The following OTOGL variants were observed in gnomAD, a reference collection of about 807,000 sequenced individuals.
OTOGL encodes otogelin-like protein.
OTOGL carries 285 observed loss-of-function variants against 318.5 expected under a neutral mutation model. The observed-to-expected ratio is 0.89, with a 90% CI of 0.81 to 0.99. The LOEUF is 0.99. Among genes scored for constraint, OTOGL ranks in the 50% least tolerant of loss-of-function variants. The probability of loss-of-function intolerance (pLI) is 0.00; values close to 1 mark genes in which losing one functional copy is unlikely to be tolerated. For synonymous variants in OTOGL, 987 were observed against 936.5 expected, an observed-to-expected ratio of 1.05 and a Z score of -0.99; for missense variants, 2,899 against 2,845.6, an observed-to-expected ratio of 1.02 and a Z score of -0.43.
At chr12:80,304,299 A>G (rs1885964633) in intron 28 of OTOGL, among the ~76,000 whole-genome samples, 1 of 152,100 alleles carries the variant, frequency 6.6e-6, no homozygotes, top group African/African-American at 2.4e-5. Flanking sequence ...AAATATTTTT[A>G]TTAAATATTG....
intron 44 of OTOGL, among the ~76,000 whole-genome samples, chr12:80,350,123 T>G (rs1218946482): frequency 6.6e-6 from 1 of 152,228 alleles, no homozygotes; most frequent in Admixed American, 6.5e-5. Flanking sequence ...ATCAACTTTT[T>G]TAGTTTTCAC....
At chr12:80,356,769 T>A (rs778444170) in intron 48 of OTOGL, 38 bp from the exon 49 acceptor site, 3 of 1,292,282 alleles carry the variant, frequency 2.3e-6, no homozygotes, top group Non-Finnish European at 2.2e-6. Context: ...TTTTTTATTA[T>A]GCTATACAAA....
At chr12:80,158,193 T>C (rs1873254928) in intron 1 of OTOGL, among the ~76,000 whole-genome samples, 1 of 152,156 alleles carries the variant, frequency 6.6e-6, no homozygotes. Flanking sequence ...GGCAAACTTG[T>C]TTGATTGCAA....
chr12:80,298,228 A>G (rs1885538814), intron 27 of OTOGL, among the ~76,000 whole-genome samples: 1 of 152,174 alleles, frequency 6.6e-6, no homozygotes, highest in Admixed American at 6.5e-5. Context: ...ATGGTGTCCT[A>G]TGGTAGGAAT....
intron 27 of OTOGL, 149 bp from the exon 28 acceptor site, chr12:80,302,485 G>T: frequency 2.0e-6 from 1 of 494,970 alleles, no homozygotes; most frequent in Non-Finnish European, 3.2e-6. Context: ...CAATTGTTTT[G>T]TCTTTTCTTA....
At chr12:80,248,998 C>T (rs1235678982) in intron 11 of OTOGL, among the ~76,000 whole-genome samples, 2 of 145,964 alleles carry the variant, frequency 1.4e-5, no homozygotes, top group Non-Finnish European at 3.0e-5. Flanking sequence ...GTTCTCGAGC[C>T]TTGGTTTTCA....
intron 24 of OTOGL, among the ~76,000 whole-genome samples, chr12:80,272,081 CAATT>C (rs1883453126): frequency 1.3e-5 from 2 of 152,238 alleles, no homozygotes; most frequent in South Asian, 4.1e-4. Flanking sequence ...GAAAGTGACA[CAATT>C]AATCACTCTT....
intron 1 of OTOGL, among the ~76,000 whole-genome samples, chr12:80,185,037 A>G (rs980484531): frequency 3.3e-5 from 5 of 152,174 alleles, no homozygotes; most frequent in African/African-American, 1.2e-4. Context: ...CAACCTACTA[A>G]TTTATCCTCT....
At chr12:80,137,097 CCAA>C (rs1192342553) in intron 1 of OTOGL, among the ~76,000 whole-genome samples, 1 of 152,116 alleles carries the variant, frequency 6.6e-6, no homozygotes, top group Non-Finnish European at 1.5e-5. Context: ...ATTTTCCTCT[CCAA>C]CAACAAGACA....
At chr12:80,350,104 T>C (rs1350680632) in intron 44 of OTOGL, among the ~76,000 whole-genome samples, 1 of 152,220 alleles carries the variant, frequency 6.6e-6, no homozygotes, top group Non-Finnish European at 1.5e-5. Context: ...CCTTGCTCAA[T>C]TCTATAAGAT....
chr12:80,270,199 A>T, intron 23 of OTOGL, 45 bp downstream of exon 23: 3 of 1,472,930 alleles, frequency 2.0e-6, no homozygotes, highest in Non-Finnish European at 2.8e-6. Context: ...TTCAGCTCTG[A>T]TACCACCTCC....
intron 52 of OTOGL, among the ~76,000 whole-genome samples, chr12:80,363,661 A>G (rs1248995473): frequency 6.6e-5 from 10 of 152,322 alleles, no homozygotes; most frequent in Admixed American, 2.0e-4. Context: ...CCAGTGGAGC[A>G]GCTGAGAGTA....
chr12:80,316,830 T>A (rs1175779271), intron 32 of OTOGL, among the ~76,000 whole-genome samples: 1 of 152,190 alleles, frequency 6.6e-6, no homozygotes, highest in Admixed American at 6.5e-5. Flanking sequence ...CCCAAATAAA[T>A]TTCACAGCTA....
At chr12:80,167,742 A>G (rs2137208129) in intron 1 of OTOGL, among the ~76,000 whole-genome samples, 1 of 152,240 alleles carries the variant, frequency 6.6e-6, no homozygotes, top group South Asian at 2.1e-4. Context: ...TCTGATAAAC[A>G]CTGTTTTTCT....
chr12:80,329,469 A>C (rs868021955), intron 37 of OTOGL, among the ~76,000 whole-genome samples: 1 of 152,204 alleles, frequency 6.6e-6, no homozygotes, highest in African/African-American at 2.4e-5. Flanking sequence ...CCTCACATCT[A>C]AAAACCTAAA....
Position 80,310,583 on chromosome 12 carries a change from T to C in OTOGL, c.3334-28T>C, listed in dbSNP as rs374780457. The C allele has an allele frequency of 4.9e-5, 73 of 1,493,586 alleles. No homozygotes were observed. In the Middle Eastern group the frequency reaches 1.2e-3, roughly 25 times the overall value. 92.5% of individuals were successfully genotyped at this position (1,493,586 alleles called of 1,614,324 possible). On this transcript the variant is annotated intron_variant, in intron 29 of 58. Transcript: ENST00000547103. ...TTGAGAAATTGTCCCTTTGAAAACT[T>C]CTTTTCTCTCTTAAATTTTTTCAAC...
chr12:80,370,450 T>C, intron 55 of OTOGL, 120 bp from the exon 56 acceptor site: 1 of 800,658 alleles, frequency 1.2e-6, no homozygotes, highest in Non-Finnish European at 1.8e-6. Context: ...GATGGAACAT[T>C]TTGTGTCACA....
intron 2 of OTOGL, among the ~76,000 whole-genome samples, chr12:80,210,540 G>T (rs1434734160): frequency 1.3e-5 from 2 of 152,062 alleles, no homozygotes; most frequent in Non-Finnish European, 2.9e-5. Context: ...TTTTGTTTAA[G>T]CTTGGCATAT....
intron 30 of OTOGL, among the ~76,000 whole-genome samples, chr12:80,311,924 C>T (rs552519601): frequency 2.0e-5 from 3 of 152,138 alleles, no homozygotes; most frequent in Non-Finnish European, 2.9e-5. Flanking sequence ...TGTATATAAT[C>T]AAGTGTGTCA....
Sources: allele counts gnomAD v4.1 joint callset (sites outside exome capture counted in the v4.1 genomes callset), GRCh38; gene constraint gnomAD v4.1.1; transcripts MANE v1.5; gene names NCBI Gene and HGNC (gene_info 2026-07-23, HGNC 2026-07-21).